The following SPATA1 variants were observed in gnomAD, a reference collection of about 807,000 sequenced individuals.
SPATA1 encodes spermatogenesis-associated protein 1.
In SPATA1, 57 loss-of-function variants were observed where a neutral mutation model predicts 59.6. The ratio of observed to expected loss-of-function variants is 0.96; its 90% CI spans 0.77 to 1.19. The LOEUF is 1.19. SPATA1 is among the 50% of genes most tolerant of loss of function. The probability of loss-of-function intolerance (pLI) is 0.00; values close to 1 mark genes in which losing one functional copy is unlikely to be tolerated. For synonymous variants in SPATA1, 147 were observed against 163.9 expected (o/e 0.90, Z 0.79); for missense variants, 448 against 480.7 (o/e 0.93, Z 0.64).
chr1:84,514,881 G>C (rs545700019), intron 1 of SPATA1, among the ~76,000 whole-genome samples: 16 of 152,250 alleles, frequency 1.1e-4, no homozygotes, highest in Non-Finnish European at 1.8e-4. Flanking sequence ...TGAGGCAGGA[G>C]AATCGCTTGA....
chr1:84,521,391 C>A (rs954728745), intron 3 of SPATA1, among the ~76,000 whole-genome samples: 1 of 152,092 alleles, frequency 6.6e-6, no homozygotes, highest in East Asian at 1.9e-4. Flanking sequence ...CTTACGCATA[C>A]CTCTCTTTCT....
chr1:84,527,528 A>G (rs892942807), intron 6 of SPATA1: 3 of 151,968 alleles, frequency 2.0e-5, no homozygotes, highest in African/African-American at 7.2e-5. Flanking sequence ...TCCAGTTATT[A>G]TTTTTTAGTT....
intron 1 of SPATA1, chr1:84,506,729 C>T (rs1682264964): frequency 6.5e-6 from 1 of 152,760 alleles, no homozygotes; most frequent in Admixed American, 6.5e-5. Context: ...CCCCGCTGAC[C>T]CGAGGCGGAG....
At chr1:84,516,511 T>A (rs905142101) in intron 2 of SPATA1, 116 bp downstream of exon 2, 1 of 614,068 alleles carries the variant, frequency 1.6e-6, no homozygotes, top group Non-Finnish European at 2.8e-6. Flanking sequence ...GACTCCACCA[T>A]GATCCCAACT....
chr1:84,522,066 A>G (rs1683051362), intron 3 of SPATA1, among the ~76,000 whole-genome samples: 1 of 152,246 alleles, frequency 6.6e-6, no homozygotes, highest in African/African-American at 2.4e-5. Context: ...TATGTATAAA[A>G]GTACATCTAT....
At chr1:84,514,001 C>T (rs550133381) in intron 1 of SPATA1, among the ~76,000 whole-genome samples, 1 of 152,042 alleles carries the variant, frequency 6.6e-6, no homozygotes, top group Admixed American at 6.6e-5. Context: ...ACCACCACAC[C>T]TGGCTCATTT....
At chr1:84,546,241 G>A (rs1349735248) in intron 10 of SPATA1, among the ~76,000 whole-genome samples, 2 of 152,118 alleles carry the variant, frequency 1.3e-5, no homozygotes, top group Non-Finnish European at 2.9e-5. Context: ...ATCATTTGAG[G>A]TCAGGAGTTC....
chr1:84,522,768 T>C (rs1164626819), intron 4 of SPATA1, among the ~76,000 whole-genome samples: 1 of 152,154 alleles, frequency 6.6e-6, no homozygotes. Context: ...ATCATATAAG[T>C]TCTTGAATTT....
At chr1:84,511,064 A>G (rs1276095748) in intron 1 of SPATA1, among the ~76,000 whole-genome samples, 1 of 152,232 alleles carries the variant, frequency 6.6e-6, no homozygotes, top group East Asian at 1.9e-4. Context: ...TATAAGTTAG[A>G]TAAAGTGAAT....
chr1:84,534,768 AAC>A (rs955717050), intron 8 of SPATA1, among the ~76,000 whole-genome samples: 118 of 152,132 alleles, frequency 7.8e-4, no homozygotes, highest in African/African-American at 2.8e-3. Flanking sequence ...AGAAAACGAA[AAC>A]ACAGAAAGTT....
At chr1:84,535,273 G>A (rs958597411) in intron 8 of SPATA1, among the ~76,000 whole-genome samples, 8 of 151,788 alleles carry the variant, frequency 5.3e-5, no homozygotes, top group African/African-American at 7.3e-5. Context: ...ATCAGATAGC[G>A]TAAGATTTCC....
chr1:84,530,176 G>A (rs1417412010), intron 6 of SPATA1, among the ~76,000 whole-genome samples: 2 of 152,130 alleles, frequency 1.3e-5, no homozygotes, highest in Non-Finnish European at 2.9e-5. Context: ...CACCGCGCCT[G>A]GCCGAGCCTA....
intron 10 of SPATA1, among the ~76,000 whole-genome samples, chr1:84,548,561 T>C (rs894676086): frequency 1.0e-4 from 15 of 147,842 alleles, no homozygotes; most frequent in African/African-American, 3.4e-4. Flanking sequence ...AAAATATATA[T>C]ATATTACTAT....
chr1:84,544,897 A>C (rs1000441163), intron 9 of SPATA1, among the ~76,000 whole-genome samples: 5 of 151,720 alleles, frequency 3.3e-5, no homozygotes, highest in Non-Finnish European at 5.9e-5. Context: ...ATGTTTAGTC[A>C]CCAACATTAT....
intron 3 of SPATA1, 148 bp from the exon 4 acceptor site, chr1:84,522,242 C>T (rs1162822822): frequency 2.1e-5 from 9 of 418,968 alleles, no homozygotes; most frequent in Middle Eastern, 6.3e-4. Context: ...TACAAAATGC[C>T]GGCAATGTGG....
intron 1 of SPATA1, among the ~76,000 whole-genome samples, chr1:84,515,086 ATAAT>A (rs1682739332): frequency 6.6e-6 from 1 of 152,244 alleles, no homozygotes; most frequent in African/African-American, 2.4e-5. Context: ...CCCATATGCT[ATAAT>A]TATTATAGAT....
intron 2 of SPATA1, among the ~76,000 whole-genome samples, chr1:84,517,805 G>C (rs1682861472): frequency 6.6e-6 from 1 of 151,994 alleles, no homozygotes; most frequent in Non-Finnish European, 1.5e-5. Flanking sequence ...TTTACTGCTA[G>C]CACGTGAGTC....
At chr1:84,528,158 T>C (rs186379883) in intron 6 of SPATA1, among the ~76,000 whole-genome samples, 1 of 152,322 alleles carries the variant, frequency 6.6e-6, no homozygotes, top group East Asian at 1.9e-4. Context: ...ACTTCTTCCT[T>C]CTCCAGTAGA....
chr1:84,521,626 C>T (rs1324085346), intron 3 of SPATA1, among the ~76,000 whole-genome samples: 2 of 151,822 alleles, frequency 1.3e-5, no homozygotes, highest in Non-Finnish European at 2.9e-5. Flanking sequence ...TCCCTTTCTC[C>T]CTTCCCTGCC....
Sources: allele counts gnomAD v4.1 joint callset (sites outside exome capture counted in the v4.1 genomes callset), GRCh38; gene constraint gnomAD v4.1.1; transcripts MANE v1.5; gene names NCBI Gene and HGNC (gene_info 2026-07-23, HGNC 2026-07-21).